Variants in AGMO observed in about 807,000 individuals in gnomAD.
AGMO encodes alkylglycerol monooxygenase, also known as glyceryl-ether monooxygenase.
A neutral mutation model predicts 60.2 loss-of-function variants in AGMO; 75 were observed. The ratio of observed to expected loss-of-function variants is 1.25; its 90% CI spans 1.03 to 1.51. AGMO has a LOEUF of 1.51. Among genes scored for constraint, AGMO ranks in the 40% most tolerant of loss-of-function variants. The pLI, the probability that AGMO is intolerant of heterozygous loss-of-function variation, is 0.00. For synonymous variants in AGMO, 261 were observed against 177.1 expected (o/e 1.47, Z -3.76); for missense variants, 763 against 525.5 (o/e 1.45, Z -4.42).
chr7:15,334,447 A>C (rs1412307740), intron 12 of AGMO, among the ~76,000 whole-genome samples: 1 of 152,094 alleles, frequency 6.6e-6, no homozygotes, highest in Admixed American at 6.6e-5. Context: ...CAAAGTGACT[A>C]AAACGTAGGT....
intron 3 of AGMO, among the ~76,000 whole-genome samples, chr7:15,490,970 A>G (rs1783051611): frequency 6.6e-6 from 1 of 152,214 alleles, no homozygotes; most frequent in South Asian, 2.1e-4. Context: ...TATTTTGTTA[A>G]TAATGTCCTC....
At chr7:15,137,077 G>A in the AGMO span, among the ~76,000 whole-genome samples, 74,205 of 151,948 alleles carry the variant, frequency 0.49, 18,341 homozygotes, top group East Asian at 0.67. Flanking sequence ...TTTACATTCC[G>A]CAGTTGGTTG....
chr7:15,425,859 T>C (rs954560088), intron 4 of AGMO, among the ~76,000 whole-genome samples: 5 of 152,178 alleles, frequency 3.3e-5, no homozygotes, highest in Non-Finnish European at 5.9e-5. Flanking sequence ...GTAGAGAACA[T>C]AGCAATTTTA....
At chr7:15,299,644 G>A (rs979146876) in intron 12 of AGMO, among the ~76,000 whole-genome samples, 15 of 152,186 alleles carry the variant, frequency 9.9e-5, no homozygotes, top group East Asian at 3.9e-4. Flanking sequence ...TAGGCAACAC[G>A]GTGAAACCCA....
At chr7:15,274,729 T>G (rs1319816369) in intron 12 of AGMO, among the ~76,000 whole-genome samples, 2 of 151,716 alleles carry the variant, frequency 1.3e-5, no homozygotes, top group East Asian at 3.9e-4. Context: ...TCATTACTGA[T>G]TCAGTTTTAT....
At position 15,291,982 on chromosome 7, in the gene AGMO, T is replaced by G. The variant is rs187572973; in HGVS notation, c.1263+73532A>C. ...GGCATGAATGCGACCACGTGTCAAG[T>G]ATAGAAGACTCAAGTAAGCCAATAA... On this transcript the variant is annotated intron_variant, in intron 12 of 12. Coordinates refer to ENST00000342526, the MANE Select transcript of AGMO (RefSeq NM_001004320.2). Among the ~76,000 whole-genome samples, 176 of 152,178 alleles carry G rather than the reference T, an allele frequency of 1.2e-3. 2 individuals carry two copies. The highest frequency in any genetic ancestry group is 1.0e-3 in the Non-Finnish European group (71 of 68,006).
chr7:15,166,551 G>C, the AGMO span, among the ~76,000 whole-genome samples: 3 of 152,112 alleles, frequency 2.0e-5, no homozygotes, highest in Non-Finnish European at 4.4e-5. Flanking sequence ...AACAGAGTAG[G>C]AACAGGATCC....
At chr7:15,309,678 T>C (rs972055285) in intron 12 of AGMO, among the ~76,000 whole-genome samples, 1 of 151,868 alleles carries the variant, frequency 6.6e-6, no homozygotes, top group East Asian at 1.9e-4. Context: ...TGTGTATATA[T>C]CCTCTCTAAA....
chr7:15,211,064 A>C (rs1005231408), intron 12 of AGMO, among the ~76,000 whole-genome samples: 2 of 151,936 alleles, frequency 1.3e-5, no homozygotes, highest in African/African-American at 4.8e-5. Context: ...AAACAAAAGA[A>C]AAAAAAACTC....
intron 2 of AGMO, among the ~76,000 whole-genome samples, chr7:15,558,685 T>C (rs1183742805): frequency 6.6e-6 from 1 of 152,128 alleles, no homozygotes. Flanking sequence ...GAGTAAATAT[T>C]ATTAATATTA....
intron 10 of AGMO, among the ~76,000 whole-genome samples, chr7:15,371,154 TA>T (rs1461580289): frequency 4.6e-5 from 7 of 152,296 alleles, no homozygotes; most frequent in Non-Finnish European, 8.8e-5. Flanking sequence ...CCTCAAACTA[TA>T]AAAACCCTAG....
rs142498841 is a variant in AGMO at position 15,380,912 on chromosome 7, A to C, written c.1074+4534T>G. On this transcript the variant is annotated intron_variant, in intron 10 of 12. Coordinates refer to ENST00000342526, the MANE Select transcript of AGMO (RefSeq NM_001004320.2). Reference sequence around the variant, plus strand: ...AACTATCTCATCTTCAACAAACCTGACAAAAACAAGCAATGGGGAAAGGAT... The same window carrying C: ...AACTATCTCATCTTCAACAAACCTGCCAAAAACAAGCAATGGGGAAAGGAT... Among the ~76,000 whole-genome samples, 37 of 152,330 alleles carry C rather than the reference A, an allele frequency of 2.4e-4. 2 individuals are homozygous for C. In the East Asian group the frequency reaches 7.1e-3, roughly 29 times the overall value.
intron 12 of AGMO, among the ~76,000 whole-genome samples, chr7:15,300,440 C>T (rs1784533497): frequency 6.6e-6 from 1 of 152,000 alleles, no homozygotes; most frequent in Non-Finnish European, 1.5e-5. Context: ...GTTGTACTGA[C>T]ATCTTCAAAG....
chr7:15,487,649 C>A (rs1044175936), intron 3 of AGMO, among the ~76,000 whole-genome samples: 3 of 151,994 alleles, frequency 2.0e-5, no homozygotes, highest in African/African-American at 7.2e-5. Flanking sequence ...TGAAAACTAA[C>A]AATAAACGTC....
At chr7:15,328,201 G>A (rs1402011379) in intron 12 of AGMO, among the ~76,000 whole-genome samples, 1 of 151,976 alleles carries the variant, frequency 6.6e-6, no homozygotes, top group African/African-American at 2.4e-5. Flanking sequence ...AGGTTCAAGT[G>A]ATTCTCCTGC....
At chr7:15,302,768 T>A (rs536050977) in intron 12 of AGMO, among the ~76,000 whole-genome samples, 1 of 152,254 alleles carries the variant, frequency 6.6e-6, no homozygotes, top group Admixed American at 6.5e-5. Flanking sequence ...TATGGTACGG[T>A]TGCTGGAATA....
chr7:15,258,161 T>C lies in AGMO; in HGVS notation c.1264-56802A>G, dbSNP rs1783156627. ...TAATTTCATAACAGCTAAGCTATCA[T>C]CTTTAGTTATGAGCCAATATCTTAA... On this transcript the variant is annotated intron_variant, in intron 12 of 12. Coordinates refer to ENST00000342526, the MANE Select transcript of AGMO (RefSeq NM_001004320.2). Among the ~76,000 whole-genome samples the C allele has an allele frequency of 4.6e-5, 7 of 152,234 alleles. No individual in the cohort carries two copies. In the South Asian group the frequency reaches 1.4e-3, roughly 31 times the overall value.
intron 3 of AGMO, among the ~76,000 whole-genome samples, chr7:15,434,970 T>G (rs1781359267): frequency 6.6e-6 from 1 of 151,546 alleles, no homozygotes; most frequent in African/African-American, 2.4e-5. Flanking sequence ...ATTTTTAGCC[T>G]TTTGAGTCTG....
the AGMO span, among the ~76,000 whole-genome samples, chr7:15,156,550 T>C: frequency 6.6e-6 from 1 of 152,182 alleles, no homozygotes; most frequent in East Asian, 1.9e-4. Context: ...CCAGATCAGA[T>C]GTTCTTGGGG....
Sources: gnomAD v4.1 joint callset for allele counts (sites outside exome capture counted in the v4.1 genomes callset) on GRCh38, gnomAD v4.1.1 for gene constraint, MANE v1.5 for transcripts, NCBI Gene and HGNC (gene_info 2026-07-23, HGNC 2026-07-21) for gene names.